ESRRB: variants seen among roughly 807,000 people sequenced by gnomAD.
The protein encoded by ESRRB is steroid hormone receptor ERR2.
In ESRRB, 16 loss-of-function variants were observed where a neutral mutation model predicts 46.0. That is an observed-to-expected ratio of 0.35 (90% CI 0.24 to 0.53). The LOEUF is 0.53. Among genes scored for constraint, ESRRB ranks in the 20% least tolerant of loss-of-function variants. ESRRB has a pLI of 0.93. For missense variants in ESRRB, 488 were observed against 607.4 expected, an observed-to-expected ratio of 0.80 and a Z score of 2.07; for synonymous variants, 246 against 259.6, an observed-to-expected ratio of 0.95 and a Z score of 0.50.
Position 76,316,958 on chromosome 14 carries a change from G to C in ESRRB, c.2+6042G>C, listed in dbSNP as rs146151905. On this transcript the variant is annotated intron_variant, in intron 1 of 6. Coordinates refer to the ESRRB transcript ENST00000512784. ...TCCTCTAGCTGTTCAAACTCTGTAG[G>C]GCCCCCTGTGCTCCTCTTCTTGCTT... Among the ~76,000 whole-genome samples the C allele has an allele frequency of 2.5e-4, 38 of 152,154 alleles. 1 individual carries two copies. In the East Asian group the frequency reaches 6.9e-3, roughly 28 times the overall value.
At chr14:76,461,047 C>G (rs1888836350) in intron 2 of ESRRB, among the ~76,000 whole-genome samples, 1 of 151,962 alleles carries the variant, frequency 6.6e-6, no homozygotes, top group East Asian at 1.9e-4. Flanking sequence ...GCTCTCCCCC[C>G]ATCGTCTTTC....
intron 6 of ESRRB, among the ~76,000 whole-genome samples, chr14:76,493,495 A>G (rs2140054198): frequency 6.6e-6 from 1 of 152,336 alleles, no homozygotes; most frequent in African/African-American, 2.4e-5. Context: ...CTGACAATAA[A>G]GCACTCAGCC....
In ESRRB at chr14:76,434,425, G is replaced by T. The variant is rs142076714; in HGVS notation, c.51-4916G>T. ...CTAGCACTTTGGGAGGTAAAGGCGGGGGATCACTTGAGGTCAGGAATTTAA... is the reference window on the plus strand; with the variant it reads ...CTAGCACTTTGGGAGGTAAAGGCGGTGGATCACTTGAGGTCAGGAATTTAA... On this transcript the variant is annotated intron_variant, in intron 1 of 6. Coordinates refer to ENST00000644823, the MANE Select transcript of ESRRB (RefSeq NM_001379180.1). Among the ~76,000 whole-genome samples the T allele has an allele frequency of 4.2e-3, 644 of 152,200 alleles. 7 individuals carry two copies. The highest frequency in any genetic ancestry group is 5.6e-3 in the Non-Finnish European group (382 of 67,994).
At chr14:76,487,631 T>C (rs1315788284) in intron 5 of ESRRB, among the ~76,000 whole-genome samples, 3 of 152,162 alleles carry the variant, frequency 2.0e-5, no homozygotes, top group African/African-American at 7.2e-5. Context: ...TGAGCCAGGA[T>C]CTCGCTTTGT....
chr14:76,433,169 G>A (rs1315535512), intron 1 of ESRRB, among the ~76,000 whole-genome samples: 2 of 152,166 alleles, frequency 1.3e-5, no homozygotes, highest in Non-Finnish European at 2.9e-5. Flanking sequence ...TATGACGTCA[G>A]TGGGATCAGG....
chr14:76,441,276 C>T (rs1297481076), intron 2 of ESRRB, among the ~76,000 whole-genome samples: 2 of 152,200 alleles, frequency 1.3e-5, no homozygotes, highest in Non-Finnish European at 2.9e-5. Flanking sequence ...ATGGTGGTGG[C>T]ACCCTCTTTC....
At chr14:76,396,087 C>T (rs1179426887) in intron 1 of ESRRB, among the ~76,000 whole-genome samples, 2 of 152,062 alleles carry the variant, frequency 1.3e-5, no homozygotes, top group Non-Finnish European at 2.9e-5. Context: ...GCAGGAGAAT[C>T]GCTTGATCCC....
At chr14:76,314,977 A>G (rs1467607546) in intron 1 of ESRRB, among the ~76,000 whole-genome samples, 1 of 151,994 alleles carries the variant, frequency 6.6e-6, no homozygotes, top group Non-Finnish European at 1.5e-5. Flanking sequence ...CCAAGTGAGC[A>G]GTTTCTATTT....
rs574809328 is a variant in ESRRB at position 76,461,468 on chromosome 14, G to A, written c.461-1077G>A. On this transcript the variant is annotated intron_variant, in intron 2 of 6. Coordinates refer to ENST00000644823, the MANE Select transcript of ESRRB (RefSeq NM_001379180.1). ...TTAAAAGAGCATGGGTTGGGTTTAT[G>A]GTAGCCATTCTTTTGTTTTGTTTTG... is the stretch of plus-strand genomic sequence containing the variant. 3.5e-5 allele frequency among the ~76,000 whole-genome samples: 5 copies of A among 142,864 alleles called. No individual in the cohort carries two copies. The South Asian group carries it at 6.7e-4, about 19-fold the overall frequency. 93.7% of individuals were successfully genotyped at this position (142,864 alleles called of 152,430 possible).
intron 6 of ESRRB, among the ~76,000 whole-genome samples, chr14:76,496,738 C>T (rs907080007): frequency 7.2e-5 from 11 of 152,162 alleles, no homozygotes; most frequent in Admixed American, 5.9e-4. Flanking sequence ...GCTCAGTGCA[C>T]GGGATGACTC....
chr14:76,320,750 G>T (rs2034740830), intron 1 of ESRRB, among the ~76,000 whole-genome samples: 1 of 152,174 alleles, frequency 6.6e-6, no homozygotes, highest in Non-Finnish European at 1.5e-5. Flanking sequence ...CAGGGGTGGT[G>T]GTTGGTGCCT....
intron 1 of ESRRB, among the ~76,000 whole-genome samples, chr14:76,398,949 A>T (rs989703922): frequency 5.9e-5 from 9 of 152,228 alleles, no homozygotes; most frequent in African/African-American, 1.9e-4. Flanking sequence ...AGGAAGTGAC[A>T]GAAAGGATGC....
chr14:76,376,538 CT>C lies in ESRRB; in HGVS notation c.50+89del, dbSNP rs1267463063. 5.9e-6 allele frequency: 6 copies of C among 1,017,060 alleles called. No individual in the cohort carries two copies. The highest frequency in any genetic ancestry group is 1.7e-5 in the African/African-American group (1 of 60,098). 63.0% of individuals were successfully genotyped at this position (1,017,060 alleles called of 1,614,324 possible). A position where few individuals can be genotyped will look rare whatever the true frequency, so the allele number is the denominator to read the frequency against. On this transcript the variant is annotated intron_variant, in intron 1 of 6. Transcript: ENST00000644823. The surrounding 1 kb of genome is among the most constrained non-coding windows in gnomAD (Gnocchi z 4.1). ...GATCGCAGTTCCTTTTCTGCACATT[CT>C]TGTGTAAAAGTGGAAGGGACTTCGG...
At chr14:76,446,793 G>T (rs1888166870) in intron 2 of ESRRB, among the ~76,000 whole-genome samples, 1 of 152,166 alleles carries the variant, frequency 6.6e-6, no homozygotes, top group South Asian at 2.1e-4. Context: ...TCTTTGCATG[G>T]CATCCCTGAG....
At chr14:76,420,558 A>AGTGTGTGTGTGAGTGTGTGT (rs549231888) in intron 1 of ESRRB, among the ~76,000 whole-genome samples, 20 of 142,464 alleles carry the variant, frequency 1.4e-4, no homozygotes, top group African/African-American at 4.5e-4. Flanking sequence ...ACAGGGTGTG[A>AGTGTGTGTGTGAGTGTGTGT]GTGTGTGTGT....
At chr14:76,346,138 G>T (rs1884246945) in intron 1 of ESRRB, among the ~76,000 whole-genome samples, 1 of 152,166 alleles carries the variant, frequency 6.6e-6, no homozygotes, top group Non-Finnish European at 1.5e-5. Context: ...CACAGGCAAA[G>T]ATCCTATTTG....
At chr14:76,498,028 G>A (rs1890498475) in intron 6 of ESRRB, among the ~76,000 whole-genome samples, 186 bp from the exon 7 acceptor site, 1 of 152,094 alleles carries the variant, frequency 6.6e-6, no homozygotes, top group Non-Finnish European at 1.5e-5. Flanking sequence ...TCTCTCCCTG[G>A]GTTTGAGTCC....
At chr14:76,460,111 C>G (rs528012424) in intron 2 of ESRRB, among the ~76,000 whole-genome samples, 1 of 152,202 alleles carries the variant, frequency 6.6e-6, no homozygotes, top group Non-Finnish European at 1.5e-5. Context: ...GAACATGGTT[C>G]ATGCTTGTTT....
chr14:76,491,044 G>T (rs1890203827), intron 5 of ESRRB, among the ~76,000 whole-genome samples: 1 of 152,140 alleles, frequency 6.6e-6, no homozygotes, highest in African/African-American at 2.4e-5. Context: ...GTGGGCCCTG[G>T]AAACTCCCCA....
Sources: allele counts gnomAD v4.1 joint callset (sites outside exome capture counted in the v4.1 genomes callset), GRCh38; gene constraint gnomAD v4.1.1; non-coding constraint Gnocchi (gnomAD v3.1); transcripts MANE v1.5; gene names NCBI Gene and HGNC (gene_info 2026-07-23, HGNC 2026-07-21).